The following CASZ1 variants were observed in gnomAD, a reference collection of about 807,000 sequenced individuals.
CASZ1 encodes zinc finger protein castor homolog 1.
A neutral mutation model predicts 135.2 loss-of-function variants in CASZ1; 28 were observed. The ratio of observed to expected loss-of-function variants is 0.21; its 90% CI spans 0.15 to 0.28. The LOEUF (loss-of-function observed/expected upper bound fraction) is 0.28, where lower values mean the gene tolerates loss of function less well. Ranked by LOEUF, CASZ1 falls within the 10% of genes least tolerant of loss-of-function variation. CASZ1 has a pLI of 1.00. For missense variants in CASZ1, 2,161 were observed against 2,453.3 expected (o/e 0.88, Z 2.52); for synonymous variants, 1,068 against 1,073.4 (o/e 0.99, Z 0.10).
chr1:10,729,104 G>GGAGA (rs900817688), intron 2 of CASZ1, among the ~76,000 whole-genome samples: 1 of 152,022 alleles, frequency 6.6e-6, no homozygotes, highest in Non-Finnish European at 1.5e-5. Flanking sequence ...GGAGTGGGGA[G>GGAGA]GAGAGGGAAG....
chr1:10,654,629 C>A, intron 9 of CASZ1, 38 bp from the exon 10 acceptor site: 1 of 1,598,574 alleles, frequency 6.3e-7, no homozygotes, highest in South Asian at 1.1e-5. Context: ...GAACGGAGGC[C>A]AGGTGCTCCT....
chr1:10,639,713 G>A lies in CASZ1; in HGVS notation c.4509C>T (p.Phe1503=), dbSNP rs957169851. 6.3e-7 allele frequency: 1 copy of A among 1,593,246 alleles called. No individual in the cohort carries two copies. Among genetic ancestry groups the A allele is most frequent in the South Asian group, 1.1e-5 (1 of 88,560 alleles). The change falls in exon 21 of 21, where the codon TTC becomes TTT. Residue 1503 remains phenylalanine, a synonymous_variant. Transcript: ENST00000377022. This position sits in a 1 kb window ranked among gnomAD's most constrained non-coding sequence, Gnocchi z 4.0. The stretch of plus-strand genomic sequence containing the variant: ...TGGTGCCCGAGAAGGGGCAGTCGGC[G>A]AAGTGGCAGCTGAGTGAGGCCTTGA... ...KRFKASLSCH[F]ADCPFSGTST...
rs969040721 is a variant in CASZ1, at chr1:10,794,957, C to T, written c.-234+1607G>A. Among the ~76,000 whole-genome samples the T allele has an allele frequency of 6.6e-6, 1 of 151,536 alleles. No homozygotes were observed. The highest frequency in any genetic ancestry group is 1.5e-5 in the Non-Finnish European group (1 of 67,774). ...CTCTGCCCGCACCTCGCCACCCCGG[C>T]GGCCGCCCCCTCCCCTTCCAGACCC... is the stretch of plus-strand genomic sequence containing the variant. On this transcript the variant is annotated intron_variant, in intron 1 of 20. Transcript: ENST00000377022. The surrounding 1 kb of genome is among the most constrained non-coding windows in gnomAD (Gnocchi z 5.6).
intron 2 of CASZ1, among the ~76,000 whole-genome samples, chr1:10,750,138 G>A (rs1230236651): frequency 6.6e-6 from 1 of 152,194 alleles, no homozygotes; most frequent in East Asian, 1.9e-4. Context: ...CCTGGCACAC[G>A]TGTGGCCCAG....
intron 1 of CASZ1, among the ~76,000 whole-genome samples, chr1:10,784,357 T>C (rs1277798295): frequency 3.3e-5 from 5 of 152,178 alleles, no homozygotes; most frequent in African/African-American, 1.2e-4. Context: ...CCTGCGATGA[T>C]GGAAATGACC....
chr1:10,689,334 C>T (rs1638693384), intron 4 of CASZ1, among the ~76,000 whole-genome samples: 1 of 152,230 alleles, frequency 6.6e-6, no homozygotes, highest in African/African-American at 2.4e-5. Context: ...GCTTAGCCCT[C>T]CAAAGGTGCC....
rs765039705 is a variant in CASZ1 at position 10,673,471 on chromosome 1, ACACT to A, written c.17-7904_17-7901del. Among the ~76,000 whole-genome samples the A allele has an allele frequency of 1.7e-4, 26 of 151,866 alleles. 1 individual carries two copies. Among genetic ancestry groups the A allele is most frequent in the Non-Finnish European group, 8.8e-5 (6 of 67,966 alleles). ...TGCACACACGCGCGTGCACGCACAC[ACACT>A]CTCTCGCACTCTTGTGCTCACGCTG... On this transcript the variant is annotated intron_variant, in intron 4 of 20. Coordinates refer to ENST00000377022, the MANE Select transcript of CASZ1 (RefSeq NM_001079843.3).
intron 2 of CASZ1, among the ~76,000 whole-genome samples, chr1:10,718,233 T>A (rs1225724375): frequency 6.6e-6 from 1 of 152,044 alleles, no homozygotes; most frequent in East Asian, 1.9e-4. Flanking sequence ...TGCCGTCCAC[T>A]CCCCATTTAG....
At chr1:10,649,251 A>C (rs749374409) in intron 14 of CASZ1, 32 bp downstream of exon 14, 2 of 1,606,150 alleles carry the variant, frequency 1.2e-6, no homozygotes. Context: ...GTGCGGGGGG[A>C]CGATGGGTGG....
At position 10,711,585 on chromosome 1, in the gene CASZ1, C is replaced by CAAA. The variant is rs201085072; in HGVS notation, c.-76-6044_-76-6042dup. On this transcript the variant is annotated intron_variant, in intron 2 of 20. Transcript: ENST00000377022. This position sits in a 1 kb window ranked among gnomAD's most constrained non-coding sequence, Gnocchi z 4.4. ...CCAGAAAAAATGGAAAACAGGTACTCAAAAAAAAAAAAAAAAGAAAAACAA... is the reference window on the plus strand; with the variant it reads ...CCAGAAAAAATGGAAAACAGGTACTCAAAAAAAAAAAAAAAAAAAGAAAAACAA... 1.0e-5 allele frequency among the ~76,000 whole-genome samples: 1 copy of CAAA among 97,576 alleles called. No individual in the cohort carries two copies. The highest frequency in any genetic ancestry group is 2.4e-5 in the Non-Finnish European group (1 of 41,452). 64.0% of individuals were successfully genotyped at this position (97,576 alleles called of 152,430 possible).
chr1:10,653,788 C>T lies in CASZ1; in HGVS notation c.2269G>A (p.Ala757Thr), dbSNP rs149552670. ...SSASLAAATA[A>T]TEAGPSATKP... is the part of the protein sequence containing the mutation. ...GTGGCACTGGGCCCAGCCTCGGTGG[C>T]GGCAGTGGCGGCAGCCAGGGACGCA... is the stretch of plus-strand genomic sequence containing the variant. Residue 757 changes from alanine to threonine, a missense_variant, in exon 11 of 21, where the codon GCC becomes ACC. Ala to Thr is a moderately conservative substitution (Grantham distance 58, BLOSUM62 0). Coordinates refer to ENST00000377022, the MANE Select transcript of CASZ1 (RefSeq NM_001079843.3). The T allele has an allele frequency of 3.3e-4, 539 of 1,609,312 alleles. 4 individuals carry two copies. The African/African-American group carries it at 4.7e-3, about 14-fold the overall frequency.
rs1640974262 is a variant in CASZ1, at chr1:10,792,331, C to CCCT, written c.-234+4232_-234+4233insAGG. On this transcript the variant is annotated intron_variant, in intron 1 of 20. Transcript: ENST00000377022. Reference sequence around the variant, plus strand: ...CATGGCTTACCCCTCCCCCCCGCCCCCCCCCCCCCGGCCCCGCACACAAAG... The same window carrying CCCT: ...CATGGCTTACCCCTCCCCCCCGCCCCCCTCCCCCCCCCGGCCCCGCACACAAAG... Among the ~76,000 whole-genome samples, 2 of 40,514 alleles carry CCCT rather than the reference C, an allele frequency of 4.9e-5. 1 individual carries two copies. Among genetic ancestry groups the CCCT allele is most frequent in the African/African-American group, 1.7e-4 (2 of 11,964 alleles). 26.6% of individuals were successfully genotyped at this position (40,514 alleles called of 152,430 possible).
rs1411783723 is a variant in CASZ1, at chr1:10,651,055, G to A, written c.2702C>T (p.Pro901Leu). Residue 901 changes from proline to leucine, a missense_variant, in exon 12 of 21, where the codon CCA becomes CTA. Transcript: ENST00000377022. ...CACTTGGGCCGGGGGGAACCTGGCT[G>A]GGGTGACCTGCTGCCCGCTTCCTGC... is the stretch of plus-strand genomic sequence containing the variant. ...FDPGSGQQVT[P>L]ARFPPAQVKP... 2.0e-6 allele frequency: 3 copies of A among 1,537,620 alleles called. No homozygotes were observed. Among genetic ancestry groups the A allele is most frequent in the Non-Finnish European group, 2.6e-6 (3 of 1,150,352 alleles).
intron 4 of CASZ1, among the ~76,000 whole-genome samples, chr1:10,687,526 C>G (rs1638632867): frequency 6.6e-6 from 1 of 152,254 alleles, no homozygotes; most frequent in Non-Finnish European, 1.5e-5. Flanking sequence ...TGGCGCCTGG[C>G]TGGCCCTCAG....
At chr1:10,650,808 T>G in intron 12 of CASZ1, 53 bp from the exon 13 acceptor site, 1 of 1,599,872 alleles carries the variant, frequency 6.3e-7, no homozygotes, top group South Asian at 1.1e-5. Context: ...GCCTGGGCCC[T>G]GGGGCTCACC....
Position 10,721,626 on chromosome 1 carries a change from CG to C in CASZ1, c.-76-16083del, listed in dbSNP as rs1286307075. 2.0e-5 allele frequency among the ~76,000 whole-genome samples: 3 copies of C among 152,160 alleles called. No individual in the cohort carries two copies. The highest frequency in any genetic ancestry group is 2.9e-5 in the Non-Finnish European group (2 of 68,024). The stretch of plus-strand genomic sequence containing the variant: ...GTGGCCCCCTTGCCATCAGAGCCCA[CG>C]GGGGGCTGGACGAGGGTGGAGGGTA... On this transcript the variant is annotated intron_variant, in intron 2 of 20. Transcript: ENST00000377022. The surrounding 1 kb of genome is among the most constrained non-coding windows in gnomAD (Gnocchi z 5.4).
At chr1:10,764,588 T>C (rs1218465049) in intron 1 of CASZ1, among the ~76,000 whole-genome samples, 2 of 152,184 alleles carry the variant, frequency 1.3e-5, no homozygotes, top group Non-Finnish European at 2.9e-5. Context: ...CCAAGGATCA[T>C]ACCATGTACA....
Position 10,781,776 on chromosome 1 carries a change from G to A in CASZ1, c.-234+14788C>T, listed in dbSNP as rs536512844. Reference sequence around the variant, plus strand: ...ACCATGTGCCAGGAGCCCTTCCAGCGTCATTTCATCTAATCCTCACAGCAA... The same window carrying A: ...ACCATGTGCCAGGAGCCCTTCCAGCATCATTTCATCTAATCCTCACAGCAA... On this transcript the variant is annotated intron_variant, in intron 1 of 20. Transcript: ENST00000377022. Among the ~76,000 whole-genome samples the A allele has an allele frequency of 1.3e-4, 20 of 152,270 alleles. No homozygotes were observed. In the East Asian group the frequency reaches 2.1e-3, roughly 16 times the overall value.
intron 2 of CASZ1, among the ~76,000 whole-genome samples, chr1:10,723,645 T>C (rs1008801313): frequency 2.0e-4 from 30 of 152,196 alleles, no homozygotes; most frequent in African/African-American, 7.2e-4. Context: ...TCTCATGGCT[T>C]AGAGGAAAGG....
Sources: allele counts gnomAD v4.1 joint callset (sites outside exome capture counted in the v4.1 genomes callset), GRCh38; gene constraint gnomAD v4.1.1; non-coding constraint Gnocchi (gnomAD v3.1); transcripts MANE v1.5; gene names NCBI Gene and HGNC (gene_info 2026-07-23, HGNC 2026-07-21).